DMD: variants seen among roughly 807,000 people sequenced by gnomAD.
The protein encoded by DMD is dystrophin.
A neutral mutation model predicts 330.1 loss-of-function variants in DMD; 63 were observed. The ratio of observed to expected loss-of-function variants is 0.19; its 90% CI spans 0.16 to 0.24. The LOEUF is 0.24. DMD is among the 10% of genes least tolerant of loss of function. DMD has a pLI of 1.00. For missense variants in DMD, 3,344 were observed against 2,684.1 expected (o/e 1.25, Z -5.43); for synonymous variants, 1,223 against 959.8 (o/e 1.27, Z -5.07).
At chrX:32,135,124 T>C (rs1231585230) in intron 44 of DMD, among the ~76,000 whole-genome samples, 1 of 112,271 alleles carries the variant, frequency 8.9e-6, no homozygotes, top group Non-Finnish European at 1.9e-5. Flanking sequence ...AATTACTTCA[T>C]TTTCATCTAC....
chrX:31,305,582 A>C (rs1199801711), intron 62 of DMD, among the ~76,000 whole-genome samples: 1 of 111,656 alleles, frequency 9.0e-6, no homozygotes, highest in African/African-American at 3.3e-5. Flanking sequence ...CCACACTACT[A>C]TCTGGTCTCC....
At chrX:31,894,218 C>T (rs1475707709) in intron 47 of DMD, among the ~76,000 whole-genome samples, 5 of 112,217 alleles carry the variant, frequency 4.5e-5, no homozygotes, top group Non-Finnish European at 9.4e-5. Context: ...TTAACACAAT[C>T]AACTGCCATG....
chrX:33,073,848 T>G (rs2094797517), intron 1 of DMD, among the ~76,000 whole-genome samples: 1 of 107,104 alleles, frequency 9.3e-6, no homozygotes, highest in African/African-American at 3.5e-5. Flanking sequence ...AATAAATAAA[T>G]AAATAAATAA....
chrX:31,455,027 A>T (rs1397780063), intron 59 of DMD, among the ~76,000 whole-genome samples: 2 of 97,416 alleles, frequency 2.1e-5, no homozygotes, highest in African/African-American at 7.8e-5. Context: ...GGCTCAAGTG[A>T]TCCTCCCACT....
At chrX:32,978,504 C>G (rs905173093) in intron 2 of DMD, among the ~76,000 whole-genome samples, 17 of 112,103 alleles carry the variant, frequency 1.5e-4, no homozygotes, top group Admixed American at 3.8e-4. Context: ...GGGTCTCACT[C>G]TCTCACCCAG....
intron 44 of DMD, among the ~76,000 whole-genome samples, chrX:32,010,029 G>A (rs1267289843): frequency 1.8e-5 from 2 of 111,460 alleles, no homozygotes; most frequent in Non-Finnish European, 3.8e-5. Flanking sequence ...TAATTTCTCA[G>A]CTGTAAAATG....
chrX:32,870,554 AC>A (rs1407715469), intron 2 of DMD, among the ~76,000 whole-genome samples: 2 of 111,992 alleles, frequency 1.8e-5, no homozygotes, highest in East Asian at 5.6e-4. Context: ...ACATCATGGT[AC>A]TGGTAGAAAA....
chrX:31,478,900 A>T, intron 58 of DMD, 83 bp downstream of exon 58: 1 of 1,062,719 alleles, frequency 9.4e-7, no homozygotes, highest in South Asian at 1.9e-5. Context: ...AGCTATCCAG[A>T]CCCTGGCAGC....
At chrX:32,951,027 T>C (rs1398281911) in intron 2 of DMD, among the ~76,000 whole-genome samples, 2 of 111,592 alleles carry the variant, frequency 1.8e-5, no homozygotes, top group Non-Finnish European at 3.8e-5. Flanking sequence ...ATTTGCCACT[T>C]TACAAAAACG....
At chrX:31,859,195 T>C (rs1162562036) in intron 48 of DMD, among the ~76,000 whole-genome samples, 1 of 111,308 alleles carries the variant, frequency 9.0e-6, no homozygotes, top group African/African-American at 3.3e-5. Flanking sequence ...TCATGTATAA[T>C]GCTTCCTCAT....
intron 47 of DMD, among the ~76,000 whole-genome samples, chrX:31,876,482 A>T (rs771170715): frequency 1.8e-5 from 2 of 111,745 alleles, no homozygotes; most frequent in East Asian, 5.6e-4. Context: ...CCTTAGAGCA[A>T]TACTCTGCAT....
rs180818336 is a variant in DMD at position 32,927,159 on chromosome X, T to G, written c.94-77339A>C. 2.0e-3 allele frequency among the ~76,000 whole-genome samples: 223 copies of G among 111,457 alleles called. 1 individual carries two copies. The highest frequency in any genetic ancestry group is 7.0e-3 in the African/African-American group (216 of 30,730). ...GGAAGGTATGCCTGTGGCAGAAAAG[T>G]TTCCATCTTATCTAGCCTTTCTCAC... On this transcript the variant is annotated intron_variant, in intron 2 of 78. Transcript: ENST00000357033.
chrX:33,268,907 CA>C (rs202219233), intron 1 of DMD, among the ~76,000 whole-genome samples: 2,225 of 43,298 alleles, frequency 0.051, 29 homozygotes, highest in African/African-American at 0.087. Flanking sequence ...GCCTGGGTGA[CA>C]AAAAAAAAAA....
chrX:33,306,891 T>C (rs985335444), intron 1 of DMD, among the ~76,000 whole-genome samples: 2 of 111,714 alleles, frequency 1.8e-5, no homozygotes, highest in Non-Finnish European at 3.8e-5. Flanking sequence ...GGACAAGTTG[T>C]TTATCCCCAC....
At chrX:31,348,296 T>G (rs1163925567) in intron 61 of DMD, 1 of 374,629 alleles carries the variant, frequency 2.7e-6, no homozygotes, top group Non-Finnish European at 4.7e-6. Flanking sequence ...TCAAAAATAT[T>G]AATATGGTTA....
intron 43 of DMD, among the ~76,000 whole-genome samples, chrX:32,229,962 A>G (rs2097163037): frequency 9.3e-6 from 1 of 107,893 alleles, no homozygotes; most frequent in South Asian, 4.1e-4. Flanking sequence ...CATAACTGAA[A>G]CTTTGTAGTC....
At chrX:31,483,893 C>G (rs1195952550) in intron 57 of DMD, among the ~76,000 whole-genome samples, 1 of 111,722 alleles carries the variant, frequency 9.0e-6, no homozygotes, top group African/African-American at 3.2e-5. Context: ...TTAATTTAGT[C>G]ACTTAACAAA....
At chrX:31,311,014 A>G (rs184193401) in intron 62 of DMD, among the ~76,000 whole-genome samples, 1 of 112,019 alleles carries the variant, frequency 8.9e-6, no homozygotes, top group East Asian at 2.8e-4. Flanking sequence ...ATGATAAAAA[A>G]TAAAGACTAA....
At chrX:31,926,428 G>A (rs1035789439) in intron 47 of DMD, among the ~76,000 whole-genome samples, 10 of 111,345 alleles carry the variant, frequency 9.0e-5, no homozygotes, top group African/African-American at 2.9e-4. Context: ...TGTAATCCCC[G>A]CACTTTCGGA....
Sources: allele counts gnomAD v4.1 joint callset (sites outside exome capture counted in the v4.1 genomes callset), GRCh38; gene constraint gnomAD v4.1.1; transcripts MANE v1.5; gene names NCBI Gene and HGNC (gene_info 2026-07-23, HGNC 2026-07-21).